GRIA4: variants seen among roughly 807,000 people sequenced by gnomAD.
GRIA4 encodes the protein glutamate ionotropic receptor AMPA type subunit 4, also known as glutamate receptor 4.
A neutral mutation model predicts 104.0 loss-of-function variants in GRIA4; 34 were observed. The ratio of observed to expected loss-of-function variants is 0.33; its 90% CI spans 0.25 to 0.44. The LOEUF is 0.44. Among genes scored for constraint, GRIA4 ranks in the 20% least tolerant of loss-of-function variants. The pLI is 1.00. For synonymous variants in GRIA4, 386 were observed against 381.9 expected (o/e 1.01, Z -0.13); for missense variants, 750 against 1,096.5 (o/e 0.68, Z 4.46).
intron 4 of GRIA4, among the ~76,000 whole-genome samples, chr11:105,826,902 C>T (rs1181052756): frequency 6.6e-6 from 1 of 152,044 alleles, no homozygotes; most frequent in African/African-American, 2.4e-5. Flanking sequence ...CAGCAACCAC[C>T]ACCCCAGTTC....
At chr11:105,683,655 A>G (rs112637127) in intron 3 of GRIA4, among the ~76,000 whole-genome samples, 14 of 152,280 alleles carry the variant, frequency 9.2e-5, no homozygotes, top group African/African-American at 3.1e-4. Context: ...GGATAATAAA[A>G]TGTTTACAAT....
intron 3 of GRIA4, among the ~76,000 whole-genome samples, chr11:105,691,265 G>A (rs1953073839): frequency 6.6e-6 from 1 of 152,152 alleles, no homozygotes; most frequent in South Asian, 2.1e-4. Flanking sequence ...ATTGATATAT[G>A]CTTGATCAGA....
intron 14 of GRIA4, among the ~76,000 whole-genome samples, chr11:105,948,285 C>A (rs1230399669): frequency 6.6e-6 from 1 of 152,104 alleles, no homozygotes; most frequent in Non-Finnish European, 1.5e-5. Context: ...TGACCTCCTG[C>A]TAAGGAACCT....
At chr11:105,939,674 C>T (rs1242961105) in intron 14 of GRIA4, among the ~76,000 whole-genome samples, 1 of 152,180 alleles carries the variant, frequency 6.6e-6, no homozygotes, top group Non-Finnish European at 1.5e-5. Context: ...TTACTCTCCA[C>T]TATAGGATCT....
chr11:105,832,067 G>A (rs1332840627), intron 4 of GRIA4, among the ~76,000 whole-genome samples: 1 of 151,958 alleles, frequency 6.6e-6, no homozygotes, highest in Non-Finnish European at 1.5e-5. Context: ...TTGGAGCTCA[G>A]TAAGGCCGGG....
intron 3 of GRIA4, among the ~76,000 whole-genome samples, chr11:105,734,427 A>T (rs1938804737): frequency 6.6e-6 from 1 of 152,098 alleles, no homozygotes; most frequent in African/African-American, 2.4e-5. Context: ...TGGCTAGACT[A>T]CTGCAATACC....
intron 5 of GRIA4, among the ~76,000 whole-genome samples, chr11:105,872,805 G>T (rs765431882): frequency 6.6e-6 from 1 of 151,932 alleles, no homozygotes; most frequent in Non-Finnish European, 1.5e-5. Context: ...TATACCATAA[G>T]ATGTAAATAC....
At chr11:105,755,945 G>A (rs1202634828) in intron 4 of GRIA4, among the ~76,000 whole-genome samples, 1 of 152,044 alleles carries the variant, frequency 6.6e-6, no homozygotes, top group Non-Finnish European at 1.5e-5. Flanking sequence ...GCCTCCTCTG[G>A]TTCTCAGGCT....
At chr11:105,779,921 A>G (rs1941649909) in intron 4 of GRIA4, among the ~76,000 whole-genome samples, 1 of 152,218 alleles carries the variant, frequency 6.6e-6, no homozygotes, top group Non-Finnish European at 1.5e-5. Flanking sequence ...AATGGTAGTT[A>G]TGTCAAAGCT....
At chr11:105,643,782 C>T (rs1006894234) in intron 3 of GRIA4, among the ~76,000 whole-genome samples, 1 of 152,004 alleles carries the variant, frequency 6.6e-6, no homozygotes. Context: ...GCAGTGACAT[C>T]ATCTCTGCTC....
At chr11:105,848,661 T>C (rs73540972) in intron 4 of GRIA4, among the ~76,000 whole-genome samples, 4,675 of 152,216 alleles carry the variant, frequency 0.031, 270 homozygotes, top group African/African-American at 0.11. Flanking sequence ...GCACTCTAAC[T>C]GGGTCATCAA....
At chr11:105,837,378 A>G (rs955473994) in intron 4 of GRIA4, among the ~76,000 whole-genome samples, 2 of 152,162 alleles carry the variant, frequency 1.3e-5, no homozygotes, top group Non-Finnish European at 1.5e-5. Context: ...GAGTCTTTAC[A>G]TGCTGGATCC....
intron 3 of GRIA4, chr11:105,613,609 T>C (rs1950531521): frequency 6.6e-6 from 1 of 152,206 alleles, no homozygotes; most frequent in Non-Finnish European, 1.5e-5. Flanking sequence ...TTTAAATTTG[T>C]CTGGAGGACA....
chr11:105,646,701 C>A (rs980946171), intron 3 of GRIA4, among the ~76,000 whole-genome samples: 4 of 152,276 alleles, frequency 2.6e-5, no homozygotes, highest in Non-Finnish European at 4.4e-5. Flanking sequence ...AAAGAATTCT[C>A]CATTCAATAA....
chr11:105,689,946 C>T (rs555831035), intron 3 of GRIA4, among the ~76,000 whole-genome samples: 76 of 152,294 alleles, frequency 5.0e-4, no homozygotes, highest in Admixed American at 1.8e-3. Flanking sequence ...CATTGAAAAA[C>T]CATCAAGTTC....
At chr11:105,721,453 A>C (rs892325070) in intron 3 of GRIA4, among the ~76,000 whole-genome samples, 5 of 152,104 alleles carry the variant, frequency 3.3e-5, no homozygotes, top group Non-Finnish European at 2.9e-5. Flanking sequence ...TATTACCATA[A>C]CATTCAGGAA....
intron 4 of GRIA4, among the ~76,000 whole-genome samples, chr11:105,762,026 A>AC (rs1555118669): frequency 6.8e-6 from 1 of 147,132 alleles, no homozygotes; most frequent in Admixed American, 6.8e-5. Flanking sequence ...AGAAGTCTTA[A>AC]TTTTTTTTTT....
intron 5 of GRIA4, among the ~76,000 whole-genome samples, chr11:105,874,158 A>G (rs1166591545): frequency 6.6e-6 from 1 of 152,192 alleles, no homozygotes; most frequent in Non-Finnish European, 1.5e-5. Context: ...TCCCAGCACC[A>G]TTTATGGAAT....
chr11:105,859,941 T>A (rs1301109722), intron 4 of GRIA4, among the ~76,000 whole-genome samples: 1 of 152,010 alleles, frequency 6.6e-6, no homozygotes, highest in Non-Finnish European at 1.5e-5. Context: ...ACATATATAT[T>A]AAGGAAGGTT....
Sources: allele counts gnomAD v4.1 joint callset (sites outside exome capture counted in the v4.1 genomes callset), GRCh38; gene constraint gnomAD v4.1.1; transcripts MANE v1.5; gene names NCBI Gene and HGNC (gene_info 2026-07-23, HGNC 2026-07-21).